LHCGR: variants seen among roughly 807,000 people sequenced by gnomAD.
LHCGR encodes lutropin-choriogonadotropic hormone receptor.
In LHCGR, 55 loss-of-function variants were observed where a neutral mutation model predicts 60.7. The ratio of observed to expected loss-of-function variants is 0.91; its 90% confidence interval spans 0.73 to 1.13. The LOEUF is 1.13. Among genes scored for constraint, LHCGR ranks in the 50% most tolerant of loss-of-function variants. The probability of loss-of-function intolerance (pLI) is 0.00; values close to 1 mark genes in which losing one functional copy is unlikely to be tolerated. For missense variants in LHCGR, 862 were observed against 836.0 expected (o/e 1.03, Z -0.38); for synonymous variants, 337 against 316.5 (o/e 1.06, Z -0.69).
At position 48,687,500 on chromosome 2, in the gene LHCGR, C is replaced by T; in HGVS notation, c.*197G>A. 1.9e-6 allele frequency: 1 copy of T among 514,922 alleles called. No homozygotes were observed. The highest frequency in any genetic ancestry group is 3.4e-6 in the Non-Finnish European group (1 of 291,856). 31.9% of individuals were successfully genotyped at this position (514,922 alleles called of 1,614,324 possible). A position where few individuals can be genotyped will look rare whatever the true frequency, so the allele number is the denominator to read the frequency against. On this transcript the variant is annotated 3_prime_UTR_variant, in exon 11 of 11. Transcript: ENST00000294954. ...ACACTCTCAACTTCAGTATTTATGC[C>T]ATGTAACAATGACAAATAGTTTTTA...
Position 48,688,961 on chromosome 2 carries a change from C to A in LHCGR, c.948-112G>T, listed in dbSNP as rs1680054515. ...ACAAAAGGAAACAAAGCCATAATAG[C>A]CTCAGCCTTACATTTATTTGTTAAA... On this transcript the variant is annotated intron_variant, in intron 10 of 10. Transcript: ENST00000294954. The surrounding 1 kb of genome is among the most constrained non-coding windows in gnomAD (Gnocchi z 5.2). 1.1e-6 allele frequency: 1 copy of A among 907,288 alleles called. No individual in the cohort carries two copies. The highest frequency in any genetic ancestry group is 1.7e-6 in the Non-Finnish European group (1 of 575,084). The allele number at this position is 907,288 out of a possible 1,614,324, so 56.2% of individuals were successfully genotyped here. A position where few individuals can be genotyped will look rare whatever the true frequency, so the allele number is the denominator to read the frequency against.
intron 7 of LHCGR, among the ~76,000 whole-genome samples, chr2:48,712,571 C>G (rs575630547): frequency 5.3e-5 from 8 of 152,200 alleles, no homozygotes; most frequent in African/African-American, 1.9e-4. Context: ...AAATTCACCC[C>G]ATGATAGGAG....
chr2:48,695,422 C>T (rs2349100), intron 9 of LHCGR, among the ~76,000 whole-genome samples: 125,295 of 152,158 alleles, frequency 0.82, 53,137 homozygotes, highest in East Asian at 1. Flanking sequence ...CTTTTACAGT[C>T]TGAGAAAAGG....
chr2:48,740,275 G>T (rs1255239012), intron 1 of LHCGR, among the ~76,000 whole-genome samples: 1 of 152,246 alleles, frequency 6.6e-6, no homozygotes, highest in Non-Finnish European at 1.5e-5. Flanking sequence ...AGGGGCGCCT[G>T]CCATTGCCCA....
At chr2:48,729,649 C>T (rs1668900004) in intron 2 of LHCGR, among the ~76,000 whole-genome samples, 1 of 152,116 alleles carries the variant, frequency 6.6e-6, no homozygotes, top group African/African-American at 2.4e-5. Flanking sequence ...CTCTGGGTCC[C>T]AATTCTGTCA....
rs780523667 is a variant in LHCGR, at chr2:48,731,261, G to C, written c.199C>G (p.Gln67Glu). ...AYLPVKVIPS[Q>E]AFRGLNEVIK... is the part of the protein sequence containing the mutation. ...ACCTCATTAAGTCCTCTGAAAGCTT[G>C]AGATGGGATCACTTTGACAGGGAGG... The change falls in exon 2 of 11, where the codon CAA becomes GAA. Residue 67 changes from glutamine to glutamate, a missense_variant. Coordinates refer to ENST00000294954, the MANE Select transcript of LHCGR (RefSeq NM_000233.4). The C allele has an allele frequency of 1.2e-5, 20 of 1,611,860 alleles. No homozygotes were observed. In the South Asian group the frequency reaches 2.0e-4, roughly 16 times the overall value.
chr2:48,744,822 A>C (rs1358119037), intron 1 of LHCGR, among the ~76,000 whole-genome samples: 1 of 151,814 alleles, frequency 6.6e-6, no homozygotes, highest in Non-Finnish European at 1.5e-5. Flanking sequence ...AAGCAATGGC[A>C]ACAAAAGCCA....
intron 1 of LHCGR, among the ~76,000 whole-genome samples, chr2:48,743,081 T>G (rs1270822236): frequency 1.3e-5 from 2 of 152,178 alleles, no homozygotes; most frequent in African/African-American, 4.8e-5. Flanking sequence ...GCAAATAAAC[T>G]AGAAAATCTA....
chr2:48,743,503 G>C (rs1178697591), intron 1 of LHCGR, among the ~76,000 whole-genome samples: 2 of 152,156 alleles, frequency 1.3e-5, no homozygotes, highest in Admixed American at 6.5e-5. Flanking sequence ...CCATGATCAA[G>C]TGGGCTTCAT....
In LHCGR at chr2:48,691,260, G is replaced by T. The variant is rs538171139; in HGVS notation, c.948-2411C>A. Among the ~76,000 whole-genome samples, 10 of 152,242 alleles carry T rather than the reference G, an allele frequency of 6.6e-5. No homozygotes were observed. The South Asian group carries it at 2.1e-3, about 32-fold the overall frequency. On this transcript the variant is annotated intron_variant, in intron 10 of 10. Coordinates refer to ENST00000294954, the MANE Select transcript of LHCGR (RefSeq NM_000233.4). ...TGCATACCTAGTTCAGTGAGTGGAG[G>T]AGATAATAAATTGGAAGAATACAAT...
At chr2:48,699,262 A>T (rs1667284166) in intron 8 of LHCGR, among the ~76,000 whole-genome samples, 1 of 152,196 alleles carries the variant, frequency 6.6e-6, no homozygotes, top group Non-Finnish European at 1.5e-5. Flanking sequence ...TGAATTCAGA[A>T]AAGCGAGTCT....
chr2:48,712,963 T>C (rs1459646226), intron 7 of LHCGR, among the ~76,000 whole-genome samples: 1 of 152,194 alleles, frequency 6.6e-6, no homozygotes, highest in Non-Finnish European at 1.5e-5. Context: ...TACATATCTA[T>C]AATTAAAAAT....
intron 1 of LHCGR, among the ~76,000 whole-genome samples, chr2:48,754,866 C>T (rs762527463): frequency 2.6e-5 from 4 of 152,182 alleles, no homozygotes; most frequent in Non-Finnish European, 5.9e-5. Context: ...TGTATACAAT[C>T]CCTCAATCAG....
intron 1 of LHCGR, among the ~76,000 whole-genome samples, chr2:48,736,435 A>G (rs1312602257): frequency 6.6e-6 from 1 of 152,224 alleles, no homozygotes; most frequent in African/African-American, 2.4e-5. Flanking sequence ...GTCAGAGTCC[A>G]GTGACAGGAA....
intron 1 of LHCGR, among the ~76,000 whole-genome samples, chr2:48,748,597 GT>G (rs2103728736): frequency 6.6e-6 from 1 of 152,330 alleles, no homozygotes; most frequent in East Asian, 1.9e-4. Flanking sequence ...GAACAAAACT[GT>G]TCCATCAGGC....
In LHCGR at chr2:48,690,143, T is replaced by G. The variant is rs535635222; in HGVS notation, c.948-1294A>C. On this transcript the variant is annotated intron_variant, in intron 10 of 10. Coordinates refer to ENST00000294954, the MANE Select transcript of LHCGR (RefSeq NM_000233.4). ...CTTTCCCAAATACAAAGTTACTAAT[T>G]TCACTTATCGAATTCAAACCTGCCC... Among the ~76,000 whole-genome samples, 6 of 152,308 alleles carry G rather than the reference T, an allele frequency of 3.9e-5. No individual in the cohort carries two copies. The South Asian group carries it at 1.2e-3, about 32-fold the overall frequency.
chr2:48,733,312 A>C lies in LHCGR; in HGVS notation c.162-2014T>G, dbSNP rs1669087129. Among the ~76,000 whole-genome samples, 3 of 152,136 alleles carry C rather than the reference A, an allele frequency of 2.0e-5. No homozygotes were observed. The South Asian group carries it at 6.2e-4, about 32-fold the overall frequency. The stretch of plus-strand genomic sequence containing the variant: ...CAGGCAGCCTCCTCCTCCAAATGGG[A>C]GCATGGTGTGACTCCCAGAGGAGCA... On this transcript the variant is annotated intron_variant, in intron 1 of 10. Transcript: ENST00000294954.
In LHCGR at chr2:48,697,390, C is replaced by T. The variant is rs550699347; in HGVS notation, c.866+1225G>A. On this transcript the variant is annotated intron_variant, in intron 9 of 10. Transcript: ENST00000294954. The stretch of plus-strand genomic sequence containing the variant: ...GCCGTGTTGGACTTAAATATTGGCT[C>T]TCTTGTGTGTTGCTCCCATACAGCT... Among the ~76,000 whole-genome samples, 5 of 152,296 alleles carry T rather than the reference C, an allele frequency of 3.3e-5. No individual in the cohort carries two copies. The South Asian group carries it at 8.3e-4, about 25-fold the overall frequency.
intron 10 of LHCGR, among the ~76,000 whole-genome samples, chr2:48,690,126 A>C (rs1680152621): frequency 6.6e-6 from 1 of 152,136 alleles, no homozygotes; most frequent in Non-Finnish European, 1.5e-5. Context: ...GCCTTTCCCA[A>C]ATACAAAGTT....
Sources: gnomAD v4.1 joint callset for allele counts (sites outside exome capture counted in the v4.1 genomes callset) on GRCh38, gnomAD v4.1.1 for gene constraint, Gnocchi (gnomAD v3.1) non-coding constraint, MANE v1.5 for transcripts, NCBI Gene and HGNC (gene_info 2026-07-23, HGNC 2026-07-21) for gene names.